The following EPHA6 variants were observed in gnomAD, a reference collection of about 807,000 sequenced individuals.
EPHA6 encodes the protein EPH receptor A6, also known as ephrin type-A receptor 6.
In EPHA6, 50 loss-of-function variants were observed where a neutral mutation model predicts 112.0. That is an observed-to-expected ratio of 0.45 (90% confidence interval 0.36 to 0.56). The LOEUF (loss-of-function observed/expected upper bound fraction) is 0.56, where lower values mean the gene tolerates loss of function less well. EPHA6 is among the 20% of genes least tolerant of loss of function. The pLI, the probability that EPHA6 is intolerant of heterozygous loss-of-function variation, is 0.00. For synonymous variants in EPHA6, 529 were observed against 490.7 expected (o/e 1.08, Z -1.03); for missense variants, 1,280 against 1,417.4 (o/e 0.90, Z 1.56).
chr3:96,975,509 T>C (rs2042486667), intron 2 of EPHA6, among the ~76,000 whole-genome samples: 1 of 152,196 alleles, frequency 6.6e-6, no homozygotes, highest in Non-Finnish European at 1.5e-5. Flanking sequence ...AAAATACCTG[T>C]CTTGCTTTAT....
At chr3:97,693,611 T>C (rs1475564476) in intron 14 of EPHA6, among the ~76,000 whole-genome samples, 2 of 151,926 alleles carry the variant, frequency 1.3e-5, no homozygotes, top group African/African-American at 4.8e-5. Context: ...ATCGAGACCA[T>C]CCTGGCTAAC....
chr3:96,987,935 T>G lies in EPHA6; in HGVS notation c.1056T>G (p.Val352=). The G allele has an allele frequency of 6.2e-7, 1 of 1,613,786 alleles. No individual in the cohort carries two copies. The highest frequency in any genetic ancestry group is 8.5e-7 in the Non-Finnish European group (1 of 1,179,742). The change falls in exon 3 of 18, where the codon GTT becomes GTG. Residue 352 remains valine, a synonymous_variant. Coordinates refer to ENST00000389672, the MANE Select transcript of EPHA6 (RefSeq NM_001080448.3). The stretch of plus-strand genomic sequence containing the variant: ...GTGGAGCTGATGGAGATTGGCTGGT[T>G]CCTCTTGGAAGGTGCATCTGCAGTA... ...LYCGADGDWL[V]PLGRCICSTG...
chr3:96,934,591 C>T (rs2040488213), intron 2 of EPHA6, among the ~76,000 whole-genome samples: 1 of 151,110 alleles, frequency 6.6e-6, no homozygotes, highest in African/African-American at 2.4e-5. Context: ...TATAATTTTA[C>T]CCTGTGTATA....
At chr3:97,065,349 T>C (rs2046145218) in intron 3 of EPHA6, among the ~76,000 whole-genome samples, 4 of 152,148 alleles carry the variant, frequency 2.6e-5, no homozygotes, top group Non-Finnish European at 2.9e-5. Flanking sequence ...GAAATATGCA[T>C]GTTACCAAAT....
At chr3:97,378,796 A>G (rs2085536460) in intron 5 of EPHA6, among the ~76,000 whole-genome samples, 1 of 152,116 alleles carries the variant, frequency 6.6e-6, no homozygotes, top group South Asian at 2.1e-4. Context: ...GTATTTGCTC[A>G]GTACTTGTAC....
At chr3:97,658,220 C>A (rs1453730812) in intron 14 of EPHA6, among the ~76,000 whole-genome samples, 1 of 151,638 alleles carries the variant, frequency 6.6e-6, no homozygotes, top group East Asian at 1.9e-4. Context: ...AGACTATGAG[C>A]CCTGATTTTT....
intron 14 of EPHA6, chr3:97,646,388 C>T (rs2094063630): frequency 7.0e-6 from 7 of 1,005,004 alleles, no homozygotes; most frequent in Non-Finnish European, 9.5e-6. Context: ...TCAAAATACA[C>T]TAAAGTAAAT....
At chr3:96,823,737 A>T (rs927340898) in intron 1 of EPHA6, among the ~76,000 whole-genome samples, 1 of 151,812 alleles carries the variant, frequency 6.6e-6, no homozygotes, top group Non-Finnish European at 1.5e-5. Flanking sequence ...TAAAGACTGG[A>T]ATATCTTGGA....
At chr3:97,176,022 T>C (rs1420788758) in intron 3 of EPHA6, among the ~76,000 whole-genome samples, 1 of 151,904 alleles carries the variant, frequency 6.6e-6, no homozygotes, top group Non-Finnish European at 1.5e-5. Context: ...CCATTCAGTA[T>C]GATACTAGCT....
intron 11 of EPHA6, among the ~76,000 whole-genome samples, chr3:97,583,490 G>C (rs2093459439): frequency 6.6e-6 from 1 of 151,498 alleles, no homozygotes; most frequent in Non-Finnish European, 1.5e-5. Flanking sequence ...AGTGAGCTGA[G>C]ATCGTGCCAC....
intron 14 of EPHA6, among the ~76,000 whole-genome samples, chr3:97,694,911 A>T (rs2107717812): frequency 6.6e-6 from 1 of 152,352 alleles, no homozygotes; most frequent in Middle Eastern, 3.4e-3. Context: ...ATTCCACAGC[A>T]AATAGAGTCA....
At chr3:97,680,006 G>A (rs1429575413) in intron 14 of EPHA6, among the ~76,000 whole-genome samples, 2 of 152,150 alleles carry the variant, frequency 1.3e-5, no homozygotes, top group African/African-American at 4.8e-5. Context: ...AATAGTTAAA[G>A]GAATCACTTT....
intron 2 of EPHA6, among the ~76,000 whole-genome samples, chr3:96,952,820 A>G (rs1391025485): frequency 6.6e-6 from 1 of 152,142 alleles, no homozygotes; most frequent in Non-Finnish European, 1.5e-5. Context: ...GAACACATGG[A>G]CACATAGAGG....
rs186997122 is a variant in EPHA6 at position 97,014,306 on chromosome 3, C to T, written c.1114+26313C>T. On this transcript the variant is annotated intron_variant, in intron 3 of 17. Coordinates refer to ENST00000389672, the MANE Select transcript of EPHA6 (RefSeq NM_001080448.3). ...GAATTTTACTTCCTTCCTTCCTTTC[C>T]GTCCTTTCTCCTGCCTTCCCTCCTT... is the stretch of plus-strand genomic sequence containing the variant. Among the ~76,000 whole-genome samples, 13 of 151,510 alleles carry T rather than the reference C, an allele frequency of 8.6e-5. 1 individual carries two copies. Among genetic ancestry groups the T allele is most frequent in the South Asian group, 2.1e-4 (1 of 4,792 alleles).
At chr3:97,707,795 G>C (rs2033759955) in intron 14 of EPHA6, among the ~76,000 whole-genome samples, 2 of 152,148 alleles carry the variant, frequency 1.3e-5, no homozygotes, top group Non-Finnish European at 2.9e-5. Flanking sequence ...TCATGATAGT[G>C]AGTGAGTTCT....
intron 10 of EPHA6, among the ~76,000 whole-genome samples, chr3:97,500,401 G>A (rs1285745447): frequency 6.6e-6 from 1 of 152,142 alleles, no homozygotes; most frequent in Non-Finnish European, 1.5e-5. Flanking sequence ...AGTAATGGTG[G>A]AAGGTGAAGG....
intron 2 of EPHA6, among the ~76,000 whole-genome samples, chr3:96,896,534 C>T (rs1371747866): frequency 6.6e-6 from 1 of 152,148 alleles, no homozygotes; most frequent in Non-Finnish European, 1.5e-5. Flanking sequence ...CTTTGCCCTG[C>T]CGTAAGAGTT....
chr3:97,706,265 A>C (rs2033670523), intron 14 of EPHA6, among the ~76,000 whole-genome samples: 2 of 152,300 alleles, frequency 1.3e-5, no homozygotes, highest in South Asian at 2.1e-4. Flanking sequence ...AGGAAAAAAA[A>C]CACTCATTTA....
chr3:97,519,846 T>C (rs989474620), intron 10 of EPHA6, among the ~76,000 whole-genome samples: 19 of 152,156 alleles, frequency 1.2e-4, no homozygotes, highest in African/African-American at 4.3e-4. Context: ...TGTAATTTTA[T>C]TAATTTATTT....
Sources: allele counts gnomAD v4.1 joint callset (sites outside exome capture counted in the v4.1 genomes callset), GRCh38; gene constraint gnomAD v4.1.1; transcripts MANE v1.5; gene names NCBI Gene and HGNC (gene_info 2026-07-23, HGNC 2026-07-21).